ERP44: variants seen among roughly 807,000 people sequenced by gnomAD.
ERP44 encodes the protein endoplasmic reticulum resident protein 44.
A neutral mutation model predicts 53.4 loss-of-function variants in ERP44; 25 were observed. The ratio of observed to expected loss-of-function variants is 0.47; its 90% CI spans 0.34 to 0.65. The LOEUF is 0.65. ERP44 is among the 30% of genes least tolerant of loss of function. The pLI, the probability that ERP44 is intolerant of heterozygous loss-of-function variation, is 0.01. For missense variants in ERP44, 338 were observed against 493.2 expected (o/e 0.69, Z 2.98); for synonymous variants, 145 against 161.2 (o/e 0.90, Z 0.76).
At chr9:99,983,986 T>C (rs535124040) in intron 11 of ERP44, among the ~76,000 whole-genome samples, 5 of 152,324 alleles carry the variant, frequency 3.3e-5, no homozygotes, top group African/African-American at 1.2e-4. Flanking sequence ...CCTAATCTGA[T>C]AAAATACTAT....
chr9:100,022,304 C>A (rs1830600533), intron 4 of ERP44, 78 bp from the exon 5 acceptor site: 2 of 1,188,860 alleles, frequency 1.7e-6, no homozygotes, highest in South Asian at 1.9e-5. Context: ...AAAAATCTTA[C>A]AATTGCTTAG....
At chr9:100,016,884 CT>C (rs1033965452) in intron 7 of ERP44, among the ~76,000 whole-genome samples, 1 of 152,134 alleles carries the variant, frequency 6.6e-6, no homozygotes, top group Admixed American at 6.5e-5. Flanking sequence ...AAGCCTATTG[CT>C]TTTTCTTGGA....
chr9:100,034,187 G>C (rs556111148), intron 4 of ERP44, among the ~76,000 whole-genome samples: 1 of 152,336 alleles, frequency 6.6e-6, no homozygotes, highest in South Asian at 2.1e-4. Context: ...GCAGGTTGCA[G>C]TAAAGAAGCT....
intron 5 of ERP44, 87 bp downstream of exon 5, chr9:100,021,955 G>T: frequency 8.3e-7 from 1 of 1,200,294 alleles, no homozygotes; most frequent in Non-Finnish European, 1.2e-6. Flanking sequence ...TAGACTATAG[G>T]AGAATGTCCA....
chr9:100,052,146 C>T (rs778476061), intron 4 of ERP44, among the ~76,000 whole-genome samples: 6 of 152,004 alleles, frequency 3.9e-5, no homozygotes, highest in Non-Finnish European at 7.4e-5. Context: ...TTGTTCCCTA[C>T]GCTTGACCTA....
chr9:99,999,996 C>T (rs923009407), intron 10 of ERP44, among the ~76,000 whole-genome samples: 11 of 152,048 alleles, frequency 7.2e-5, no homozygotes, highest in Non-Finnish European at 1.0e-4. Flanking sequence ...TTTGCACCAT[C>T]GTCAAAAATC....
intron 10 of ERP44, among the ~76,000 whole-genome samples, chr9:99,994,430 C>G (rs894070220): frequency 4.1e-5 from 2 of 48,480 alleles, no homozygotes; most frequent in African/African-American, 1.0e-4. Flanking sequence ...CATGTTCTCA[C>G]TCACAGGTGG....
chr9:99,991,744 A>T (rs1470609762), intron 10 of ERP44, among the ~76,000 whole-genome samples: 1 of 152,200 alleles, frequency 6.6e-6, no homozygotes, highest in East Asian at 1.9e-4. Flanking sequence ...TTTTGAAAAG[A>T]TCAACAAAAT....
chr9:99,999,541 A>C (rs1326514690), intron 10 of ERP44, among the ~76,000 whole-genome samples: 1 of 152,108 alleles, frequency 6.6e-6, no homozygotes, highest in African/African-American at 2.4e-5. Context: ...TTGTTTTCTT[A>C]CTATTGATTT....
chr9:100,008,214 G>A (rs1830439224), intron 8 of ERP44, among the ~76,000 whole-genome samples: 2 of 152,054 alleles, frequency 1.3e-5, no homozygotes, highest in Non-Finnish European at 2.9e-5. Flanking sequence ...AGCTTGAAGT[G>A]TTTTATCCAG....
intron 1 of ERP44, among the ~76,000 whole-genome samples, chr9:100,060,538 C>T (rs1277060652): frequency 1.3e-5 from 2 of 152,018 alleles, no homozygotes; most frequent in Non-Finnish European, 2.9e-5. Context: ...ACATAAAAAC[C>T]AAAGCTAAGT....
intron 4 of ERP44, among the ~76,000 whole-genome samples, chr9:100,039,014 C>T (rs1178080560): frequency 6.6e-6 from 1 of 152,208 alleles, no homozygotes; most frequent in Non-Finnish European, 1.5e-5. Context: ...TATATACGCA[C>T]CCAACACTGG....
intron 1 of ERP44, among the ~76,000 whole-genome samples, chr9:100,086,460 C>A (rs1826484152): frequency 6.6e-6 from 1 of 152,290 alleles, no homozygotes; most frequent in South Asian, 2.1e-4. Context: ...TCAGCACAAG[C>A]ACTATCCTTT....
chr9:100,045,349 T>C (rs959440784), intron 4 of ERP44, among the ~76,000 whole-genome samples: 16 of 152,186 alleles, frequency 1.1e-4, no homozygotes, highest in Non-Finnish European at 2.1e-4. Context: ...AGAATAGATA[T>C]CACAATTTGC....
In ERP44 at chr9:99,999,154, G is replaced by T. The variant is rs907393360; in HGVS notation, c.1016+7352C>A. The T allele has an allele frequency of 5.4e-6, 3 of 557,074 alleles. No individual in the cohort carries two copies. The East Asian group carries it at 9.4e-5, about 17-fold the overall frequency. The allele number at this position is 557,074 out of a possible 1,614,324, so 34.5% of individuals were successfully genotyped here. A position where few individuals can be genotyped will look rare whatever the true frequency, so the allele number is the denominator to read the frequency against. On this transcript the variant is annotated intron_variant, in intron 10 of 11. Transcript: ENST00000262455. ...CAGTGTACCGCGCTGGGAGGCCAGG[G>T]CTCCGCCCCCCGACCCTGTCCCCCG...
At chr9:100,068,433 G>A (rs1332882882) in intron 1 of ERP44, among the ~76,000 whole-genome samples, 2 of 126,568 alleles carry the variant, frequency 1.6e-5, no homozygotes, top group African/African-American at 5.8e-5. Flanking sequence ...CCCCGTCCGG[G>A]AGGTGAGAGG....
intron 5 of ERP44, among the ~76,000 whole-genome samples, chr9:100,021,348 T>C (rs761149012): frequency 1.3e-5 from 2 of 152,184 alleles, no homozygotes; most frequent in African/African-American, 2.4e-5. Flanking sequence ...CTGTATTGCC[T>C]CCATAGGATT....
intron 8 of ERP44, among the ~76,000 whole-genome samples, chr9:100,013,516 C>T (rs903951441): frequency 6.6e-5 from 10 of 151,924 alleles, no homozygotes; most frequent in Non-Finnish European, 1.3e-4. Flanking sequence ...TCTTCTACGA[C>T]CATCTGTCTT....
intron 1 of ERP44, among the ~76,000 whole-genome samples, chr9:100,085,608 C>T (rs553531844): frequency 4.7e-4 from 71 of 152,344 alleles, no homozygotes; most frequent in African/African-American, 1.6e-3. Flanking sequence ...AATTTGAAAT[C>T]TTCCACACTG....
Sources: allele counts gnomAD v4.1 joint callset (sites outside exome capture counted in the v4.1 genomes callset), GRCh38; gene constraint gnomAD v4.1.1; transcripts MANE v1.5; gene names NCBI Gene and HGNC (gene_info 2026-07-23, HGNC 2026-07-21).